The following OXR1 variants were observed in gnomAD, a reference collection of about 807,000 sequenced individuals.
OXR1 encodes oxidation resistance 1.
In OXR1, 41 loss-of-function variants were observed where a neutral mutation model predicts 104.6. The observed-to-expected ratio is 0.39, with a 90% CI of 0.31 to 0.51. The LOEUF is 0.51. OXR1 is among the 20% of genes least tolerant of loss of function. OXR1 has a pLI of 0.77. For missense variants in OXR1, 955 were observed against 1,031.9 expected, an observed-to-expected ratio of 0.93 and a Z score of 1.02; for synonymous variants, 348 against 348.4, an observed-to-expected ratio of 1.00 and a Z score of 0.01.
In OXR1 at chr8:106,670,318, T is replaced by C. The variant is rs1231119786; in HGVS notation, c.221-8892T>C. On this transcript the variant is annotated intron_variant, in intron 3 of 16. Transcript: ENST00000517566. ...ATAAGATCTGGTATTACTAGTGTCC[T>C]CAGGCACTTGACAGAAGCAAACATT... 5.3e-5 allele frequency among the ~76,000 whole-genome samples: 8 copies of C among 152,328 alleles called. No individual in the cohort carries two copies. In the East Asian group the frequency reaches 1.5e-3, roughly 29 times the overall value.
intron 3 of OXR1, among the ~76,000 whole-genome samples, chr8:106,525,393 T>C (rs1813582782): frequency 6.6e-6 from 1 of 152,190 alleles, no homozygotes; most frequent in African/African-American, 2.4e-5. Flanking sequence ...TTAATGTAAT[T>C]GCAGAGCAAA....
chr8:106,693,424 C>CTTTTTTTTTTTTTTTTTTTTTTTTTTTT (rs11384137), intron 7 of OXR1, among the ~76,000 whole-genome samples: 3 of 97,556 alleles, frequency 3.1e-5, no homozygotes, highest in Non-Finnish European at 4.0e-5. Context: ...TAGTCAGAAT[C>CTTTTTTTTTTTTTTTTTTTTTTTTTTTT]TTTTTTTTTT....
rs1032613723 is a variant in OXR1, at chr8:106,588,194, C to G, written c.220+69055C>G. The stretch of plus-strand genomic sequence containing the variant: ...CAGGATGGTCTCGATCTCCTGACCT[C>G]GTGATCCGCCCACCTCGGCCTCCCA... On this transcript the variant is annotated intron_variant, in intron 3 of 16. Transcript: ENST00000517566. Among the ~76,000 whole-genome samples, 9 of 152,132 alleles carry G rather than the reference C, an allele frequency of 5.9e-5. 1 individual carries two copies. Among genetic ancestry groups the G allele is most frequent in the East Asian group, 5.8e-4 (3 of 5,164 alleles).
intron 1 of OXR1, among the ~76,000 whole-genome samples, chr8:106,281,000 A>C (rs996975): frequency 0.043 from 6,559 of 152,186 alleles, 352 homozygotes; most frequent in African/African-American, 0.12. Flanking sequence ...GCAGGTACTG[A>C]GACCCTGCCC....
rs575724862 is a variant in OXR1 at position 106,292,795 on chromosome 8, CTG to C, written c.-139+22431_-139+22432del. 3.8e-3 allele frequency among the ~76,000 whole-genome samples: 581 copies of C among 152,266 alleles called. 4 individuals carry two copies. The highest frequency in any genetic ancestry group is 0.013 in the African/African-American group (536 of 41,552). On this transcript the variant is annotated intron_variant, in intron 1 of 16. Transcript: ENST00000517566. ...GGAAAGGGAACTGAGAAGGAGCAGCCTGTGAGGTAGCGAAAATCAAGTAAGTA... is the reference window on the plus strand; with the variant it reads ...GGAAAGGGAACTGAGAAGGAGCAGCCTGAGGTAGCGAAAATCAAGTAAGTA...
intron 2 of OXR1, among the ~76,000 whole-genome samples, chr8:106,483,983 T>C (rs1167048037): frequency 6.6e-6 from 1 of 152,098 alleles, no homozygotes; most frequent in African/African-American, 2.4e-5. Context: ...TAAAAATGTA[T>C]GACTAGGAAA....
chr8:106,691,646 A>G (rs2131287886), intron 6 of OXR1, among the ~76,000 whole-genome samples: 1 of 149,188 alleles, frequency 6.7e-6, no homozygotes, highest in South Asian at 2.1e-4. Flanking sequence ...ATATATACAC[A>G]CACATATATT....
At chr8:106,738,692 A>G (rs1026694905) in intron 12 of OXR1, among the ~76,000 whole-genome samples, 72 of 151,544 alleles carry the variant, frequency 4.8e-4, no homozygotes, top group African/African-American at 1.6e-3. Flanking sequence ...TGCAGTAGTA[A>G]GCTTTATTTT....
intron 2 of OXR1, among the ~76,000 whole-genome samples, chr8:106,394,304 TA>T (rs571838717): frequency 0.011 from 1,516 of 134,580 alleles, 19 homozygotes; most frequent in African/African-American, 0.025. Flanking sequence ...GTTAGAATGG[TA>T]AAAAAAAAAA....
At chr8:106,291,082 G>T (rs956739462) in intron 1 of OXR1, among the ~76,000 whole-genome samples, 18 of 152,092 alleles carry the variant, frequency 1.2e-4, no homozygotes, top group Admixed American at 3.3e-4. Context: ...AGAAATTATG[G>T]TACATATACA....
At position 106,501,776 on chromosome 8, in the gene OXR1, G is replaced by C. The variant is rs555587634; in HGVS notation, c.24-17167G>C. Among the ~76,000 whole-genome samples the C allele has an allele frequency of 2.6e-5, 4 of 152,268 alleles. No homozygotes were observed. In the East Asian group the frequency reaches 7.7e-4, roughly 29 times the overall value. Reference sequence around the variant, plus strand: ...TGTTGCAGGGCTTGGGACTGTCAGTGCTTTTTCTCCACATGGAGGTTATTT... The same window carrying C: ...TGTTGCAGGGCTTGGGACTGTCAGTCCTTTTTCTCCACATGGAGGTTATTT... On this transcript the variant is annotated intron_variant, in intron 2 of 16. Coordinates refer to ENST00000517566, the MANE Select transcript of OXR1 (RefSeq NM_001198533.2).
At chr8:106,408,679 T>C (rs1818340589) in intron 2 of OXR1, among the ~76,000 whole-genome samples, 1 of 152,184 alleles carries the variant, frequency 6.6e-6, no homozygotes, top group Non-Finnish European at 1.5e-5. Flanking sequence ...TTGTTGCTGC[T>C]CTTTGGGCAA....
At chr8:106,459,760 A>G (rs1820805195) in intron 2 of OXR1, among the ~76,000 whole-genome samples, 1 of 152,306 alleles carries the variant, frequency 6.6e-6, no homozygotes, top group Middle Eastern at 3.4e-3. Context: ...AGCCTCATTT[A>G]TAAATTTCTT....
intron 3 of OXR1, among the ~76,000 whole-genome samples, chr8:106,555,924 A>G (rs1450129719): frequency 2.1e-4 from 6 of 28,012 alleles, no homozygotes; most frequent in Non-Finnish European, 3.7e-4. Flanking sequence ...ATACGTATAT[A>G]TATGTACATA....
chr8:106,337,556 T>C (rs1815015868), intron 1 of OXR1, among the ~76,000 whole-genome samples: 1 of 152,202 alleles, frequency 6.6e-6, no homozygotes, highest in South Asian at 2.1e-4. Flanking sequence ...ATCAATTTTA[T>C]GTTGTCCCCA....
At chr8:106,340,225 A>G (rs1330348290) in intron 1 of OXR1, among the ~76,000 whole-genome samples, 1 of 152,044 alleles carries the variant, frequency 6.6e-6, no homozygotes, top group African/African-American at 2.4e-5. Flanking sequence ...GAAAAGAAAA[A>G]AAAAAAAAAA....
intron 1 of OXR1, among the ~76,000 whole-genome samples, chr8:106,277,912 C>G (rs1204187038): frequency 6.6e-6 from 1 of 152,152 alleles, no homozygotes; most frequent in African/African-American, 2.4e-5. Flanking sequence ...GTGGAATATA[C>G]TGGTTGAGGA....
Position 106,692,712 on chromosome 8 carries a change from T to TAAAA in OXR1, c.526-5_526-2dup, listed in dbSNP as rs750764834. 4.3e-6 allele frequency: 5 copies of TAAAA among 1,168,076 alleles called. No individual in the cohort carries two copies. In the East Asian group the frequency reaches 1.1e-4, roughly 27 times the overall value. 72.4% of individuals were successfully genotyped at this position (1,168,076 alleles called of 1,614,324 possible). A position where few individuals can be genotyped will look rare whatever the true frequency, so the allele number is the denominator to read the frequency against. The stretch of plus-strand genomic sequence containing the variant: ...TTTCTGCTTTTTTTTTTCTTTCCTT[T>TAAAA]AAAAAAAAAAAAAAGAATCCTGATG... On this transcript the variant is annotated splice_polypyrimidine_tract_variant and intron_variant, in intron 6 of 16. Coordinates refer to ENST00000517566, the MANE Select transcript of OXR1 (RefSeq NM_001198533.2).
intron 1 of OXR1, among the ~76,000 whole-genome samples, chr8:106,303,061 G>GTT (rs74209006): frequency 4.9e-5 from 7 of 143,784 alleles, no homozygotes; most frequent in East Asian, 2.0e-4. Context: ...CCGCAAACCT[G>GTT]TTTTTTTTTT....
Sources: gnomAD v4.1 joint callset for allele counts (sites outside exome capture counted in the v4.1 genomes callset) on GRCh38, gnomAD v4.1.1 for gene constraint, MANE v1.5 for transcripts, NCBI Gene and HGNC (gene_info 2026-07-23, HGNC 2026-07-21) for gene names.